Variants in C8orf74 observed in about 807,000 individuals in gnomAD.
C8orf74 encodes uncharacterized protein C8orf74.
A neutral mutation model predicts 22.2 loss-of-function variants in C8orf74; 29 were observed. That is an observed-to-expected ratio of 1.31 (90% CI 0.97 to 1.78). The LOEUF (loss-of-function observed/expected upper bound fraction) is 1.78, where lower values mean the gene tolerates loss of function less well. Ranked by LOEUF, C8orf74 falls within the 40% of genes most tolerant of loss-of-function variation. The pLI, the probability that C8orf74 is intolerant of heterozygous loss-of-function variation, is 0.00. For synonymous variants in C8orf74, 255 were observed against 163.1 expected, an observed-to-expected ratio of 1.56 and a Z score of -4.30; for missense variants, 515 against 369.9, an observed-to-expected ratio of 1.39 and a Z score of -3.22.
chr8:10,689,245 T>G (rs1799324456), intron 2 of C8orf74: 1 of 152,244 alleles, frequency 6.6e-6, no homozygotes, highest in South Asian at 2.1e-4. Context: ...TGCCACAGGT[T>G]AGCTTTAGGC....
chr8:10,696,499 G>A (rs532619694), intron 2 of C8orf74, among the ~76,000 whole-genome samples: 2 of 129,218 alleles, frequency 1.5e-5, no homozygotes, highest in Non-Finnish European at 3.1e-5. Context: ...AGGCTGAAGT[G>A]CAGTGTAGCT....
chr8:10,693,566 G>C (rs896869595), intron 2 of C8orf74, among the ~76,000 whole-genome samples: 1 of 152,170 alleles, frequency 6.6e-6, no homozygotes, highest in Non-Finnish European at 1.5e-5. Context: ...GGCCCCTCCT[G>C]TACACAAATC....
At chr8:10,676,108 G>A (rs1799027166) in intron 2 of C8orf74, among the ~76,000 whole-genome samples, 1 of 152,038 alleles carries the variant, frequency 6.6e-6, no homozygotes. Flanking sequence ...AAGTGGACTG[G>A]GAAGAGTTTC....
intron 2 of C8orf74, chr8:10,686,977 G>C (rs1444684968): frequency 2.4e-6 from 1 of 411,602 alleles, no homozygotes; most frequent in Non-Finnish European, 4.9e-6. Flanking sequence ...CCCACCATAG[G>C]TGAGTAGAAT....
chr8:10,690,768 C>A (rs1223295532), intron 2 of C8orf74: 2 of 434,254 alleles, frequency 4.6e-6, no homozygotes, highest in Admixed American at 4.8e-5. Flanking sequence ...CGTTTCTGCC[C>A]TGATCGTGGA....
intron 2 of C8orf74, among the ~76,000 whole-genome samples, chr8:10,679,528 C>A (rs145648684): frequency 2.0e-5 from 3 of 152,214 alleles, no homozygotes; most frequent in African/African-American, 7.2e-5. Context: ...AGTCACCAGC[C>A]GTTATCTATC....
In C8orf74 at chr8:10,697,981, G is replaced by T; in HGVS notation, c.624G>T (p.Gln208His). The change falls in exon 3 of 4, where the codon CAG (glutamine) becomes CAT (histidine). Residue 208 changes from glutamine to histidine, a missense_variant. Physicochemically the swap from Gln to His is conservative, Grantham distance 24. Coordinates refer to ENST00000304519, the MANE Select transcript of C8orf74 (RefSeq NM_001040032.2). The stretch of plus-strand genomic sequence containing the variant: ...CGTTCGCTGCCGCCGCGCCTGCGCA[G>T]CCCGGCCAGGTCCTGGAGAGACAGG... Reference protein sequence around the residue: ...QKAFAAAAPAQPGQVLERQEL... With the variant: ...QKAFAAAAPAHPGQVLERQEL... 1.3e-6 allele frequency: 2 copies of T among 1,505,238 alleles called. No homozygotes were observed. Among genetic ancestry groups the T allele is most frequent in the East Asian group, 2.4e-5 (1 of 41,746 alleles). The allele number at this position is 1,505,238 out of a possible 1,614,324, so 93.2% of individuals were successfully genotyped here.
intron 2 of C8orf74, among the ~76,000 whole-genome samples, chr8:10,684,829 A>G (rs1168186632): frequency 6.6e-6 from 1 of 152,258 alleles, no homozygotes; most frequent in Non-Finnish European, 1.5e-5. Flanking sequence ...GGCATATCCG[A>G]ATTGCCAGCA....
At position 10,697,762 on chromosome 8, in the gene C8orf74, C is replaced by A. The variant is rs1363730374; in HGVS notation, c.405C>A (p.Val135=). ...YQYVLGQDQQ[V]DLTVAHLEVC... Reference sequence around the variant, plus strand: ...ATGTCCTGGGCCAGGACCAGCAGGTCGACCTGACCGTTGCCCACCTGGAGG... The same window carrying A: ...ATGTCCTGGGCCAGGACCAGCAGGTAGACCTGACCGTTGCCCACCTGGAGG... The change falls in exon 3 of 4, where the codon GTC becomes GTA. Residue 135 remains valine (V), a synonymous_variant. Coordinates refer to ENST00000304519, the MANE Select transcript of C8orf74 (RefSeq NM_001040032.2). 6.2e-7 allele frequency: 1 copy of A among 1,614,072 alleles called. No homozygotes were observed. Among genetic ancestry groups the A allele is most frequent in the South Asian group, 1.1e-5 (1 of 91,084 alleles).
intron 3 of C8orf74, among the ~76,000 whole-genome samples, chr8:10,699,343 C>T (rs1055032805): frequency 1.3e-5 from 2 of 152,242 alleles, no homozygotes; most frequent in Admixed American, 6.5e-5. Flanking sequence ...AAAAACACCA[C>T]GCATTCTCTT....
rs1456631554 is a variant in C8orf74 at position 10,698,345 on chromosome 8, G to A, written c.648+340G>A. Among the ~76,000 whole-genome samples the A allele has an allele frequency of 2.0e-5, 3 of 152,146 alleles. No homozygotes were observed. The South Asian group carries it at 6.2e-4, about 32-fold the overall frequency. ...TGGTCAGTGACAGATTCCACCAAGA[G>A]AGGCAGGAAAAAGACTCCAGCTTTG... On this transcript the variant is annotated intron_variant, in intron 3 of 3. Transcript: ENST00000304519.
At chr8:10,691,225 A>T (rs1799374177) in intron 2 of C8orf74, 1 of 311,438 alleles carries the variant, frequency 3.2e-6, no homozygotes, top group Non-Finnish European at 6.4e-6. Context: ...GGTTTGTATG[A>T]CCTCTTAGGA....
intron 2 of C8orf74, chr8:10,687,017 T>C (rs910675565): frequency 6.7e-6 from 3 of 447,768 alleles, no homozygotes; most frequent in South Asian, 3.1e-5. Flanking sequence ...AGGGATTAGA[T>C]TGAAGAAATC....
intron 3 of C8orf74, 69 bp downstream of exon 3, chr8:10,698,074 A>T: frequency 2.2e-6 from 3 of 1,392,586 alleles, no homozygotes; most frequent in Non-Finnish European, 2.8e-6. Context: ...GGCTGGAGTC[A>T]CTGCAGATGG....
At chr8:10,687,099 A>G (rs1353391044) in intron 2 of C8orf74, 3 of 456,178 alleles carry the variant, frequency 6.6e-6, no homozygotes, top group Non-Finnish European at 1.3e-5. Flanking sequence ...AGGAGCCCAC[A>G]CAGCCCACCA....
chr8:10,696,511 G>C (rs549842257), intron 2 of C8orf74, among the ~76,000 whole-genome samples: 1 of 134,868 alleles, frequency 7.4e-6, no homozygotes, highest in Non-Finnish European at 1.5e-5. Flanking sequence ...AGTGTAGCTC[G>C]ATCTCAGCTC....
intron 2 of C8orf74, chr8:10,679,825 G>C (rs529740596): frequency 6.5e-6 from 1 of 153,222 alleles, no homozygotes; most frequent in East Asian, 1.9e-4. Context: ...CTCCTTCCCT[G>C]TGATGACTGC....
At chr8:10,675,548 C>T (rs575178358) in intron 2 of C8orf74, 1 of 152,314 alleles carries the variant, frequency 6.6e-6, no homozygotes, top group African/African-American at 2.4e-5. Flanking sequence ...TTCTAAGAAC[C>T]TCTCCCACAA....
intron 2 of C8orf74, among the ~76,000 whole-genome samples, chr8:10,676,075 G>A (rs866291050): frequency 6.6e-6 from 1 of 152,110 alleles, no homozygotes; most frequent in African/African-American, 2.4e-5. Context: ...TCGGTGGGGT[G>A]TGTAGGGTGG....
Sources: allele counts gnomAD v4.1 joint callset (sites outside exome capture counted in the v4.1 genomes callset), GRCh38; gene constraint gnomAD v4.1.1; transcripts MANE v1.5; gene names NCBI Gene and HGNC (gene_info 2026-07-23, HGNC 2026-07-21).